Variants in FAM83B observed in about 807,000 individuals in gnomAD.
FAM83B encodes the protein scaffolding CK1 anchoring protein B, also known as protein FAM83B.
Under a neutral mutation model 38.8 loss-of-function variants are expected in FAM83B, and 26 were observed. The ratio of observed to expected loss-of-function variants is 0.67; its 90% CI spans 0.49 to 0.93. FAM83B has a LOEUF of 0.93. Ranked by LOEUF, FAM83B falls within the 40% of genes least tolerant of loss-of-function variation. The pLI is 0.00. For missense variants in FAM83B, 1,237 were observed against 1,197.3 expected (o/e 1.03, Z -0.49); for synonymous variants, 419 against 423.1 (o/e 0.99, Z 0.12).
At position 54,884,847 on chromosome 6, in the gene FAM83B, A is replaced by T. The variant is rs371151417; in HGVS notation, c.444+14157A>T. ...GAGTGCAGTGGTGAGATCTGGGCTC[A>T]CTGCAAGCTCCGCCTCCCGGGTTCA... On this transcript the variant is annotated intron_variant, in intron 2 of 4. Coordinates refer to ENST00000306858, the MANE Select transcript of FAM83B (RefSeq NM_001010872.3). Among the ~76,000 whole-genome samples, 7 of 149,728 alleles carry T rather than the reference A, an allele frequency of 4.7e-5. No homozygotes were observed. In the East Asian group the frequency reaches 1.2e-3, roughly 25 times the overall value.
intron 2 of FAM83B, among the ~76,000 whole-genome samples, chr6:54,893,519 G>T (rs1772451678): frequency 6.6e-6 from 1 of 151,872 alleles, no homozygotes; most frequent in African/African-American, 2.4e-5. Flanking sequence ...AAATTTCTAG[G>T]TATAAATGTT....
intron 1 of FAM83B, among the ~76,000 whole-genome samples, chr6:54,864,988 T>C: frequency 6.6e-6 from 1 of 152,232 alleles, no homozygotes; most frequent in East Asian, 1.9e-4. Flanking sequence ...TTTAACTATA[T>C]CATTTAAGCT....
chr6:54,908,846 A>G (rs1772838880), intron 2 of FAM83B, among the ~76,000 whole-genome samples: 1 of 152,182 alleles, frequency 6.6e-6, no homozygotes, highest in African/African-American at 2.4e-5. Context: ...GGAACCCCTC[A>G]GGTATACCCA....
chr6:54,944,949 C>T lies in FAM83B; in HGVS notation c.*2942C>T, dbSNP rs1462391245. The T allele has an allele frequency of 6.6e-6, 1 of 152,124 alleles. No individual in the cohort carries two copies. The highest frequency in any genetic ancestry group is 1.5e-5 in the Non-Finnish European group (1 of 68,022). 9.4% of individuals were successfully genotyped at this position (152,124 alleles called of 1,614,324 possible). ...TCACTAGTATGCCCAGTCTGGACTC[C>T]AAGTCCTGGGCTCAAACGATCCTCC... On this transcript the variant is annotated 3_prime_UTR_variant, in exon 5 of 5. Coordinates refer to ENST00000306858, the MANE Select transcript of FAM83B (RefSeq NM_001010872.3).
At position 54,940,286 on chromosome 6, in the gene FAM83B, A is replaced by G; in HGVS notation, c.1315A>G (p.Thr439Ala). Residue 439 changes from threonine (T) to alanine (A), a missense_variant, in exon 5 of 5, where the codon ACA (threonine) becomes GCA (alanine). By Grantham distance (58) the Thr-to-Ala change is moderately conservative (BLOSUM62 0). Coordinates refer to ENST00000306858, the MANE Select transcript of FAM83B (RefSeq NM_001010872.3). ...SREGYVSHHN[T>A]PAQSFANRLA... ...GGAAGGCTATGTAAGCCACCACAAC[A>G]CACCTGCCCAGAGTTTTGCCAATCG... 1.2e-6 allele frequency: 2 copies of G among 1,614,074 alleles called. No individual in the cohort carries two copies. Among genetic ancestry groups the G allele is most frequent in the Non-Finnish European group, 1.7e-6 (2 of 1,180,004 alleles).
chr6:54,853,220 A>G (rs1771353367), intron 1 of FAM83B, among the ~76,000 whole-genome samples: 1 of 152,234 alleles, frequency 6.6e-6, no homozygotes, highest in South Asian at 2.1e-4. Context: ...CAAAATGTAA[A>G]TGTGCAAAGT....
At chr6:54,858,086 G>A (rs1020629882) in intron 1 of FAM83B, among the ~76,000 whole-genome samples, 2 of 152,172 alleles carry the variant, frequency 1.3e-5, no homozygotes, top group Non-Finnish European at 2.9e-5. Flanking sequence ...ATTCATGGAT[G>A]TAAGACTGGA....
chr6:54,904,771 A>G (rs760942781), intron 2 of FAM83B, among the ~76,000 whole-genome samples: 10 of 152,210 alleles, frequency 6.6e-5, no homozygotes, highest in Admixed American at 1.3e-4. Context: ...TCGGGAACTG[A>G]ATGCAAGCCA....
intron 1 of FAM83B, among the ~76,000 whole-genome samples, chr6:54,852,178 C>T (rs1275068275): frequency 2.0e-5 from 3 of 152,154 alleles, no homozygotes; most frequent in Non-Finnish European, 4.4e-5. Flanking sequence ...AAGCATATCT[C>T]GTTTTATTGT....
intron 4 of FAM83B, among the ~76,000 whole-genome samples, chr6:54,929,181 A>T (rs937538201): frequency 6.6e-6 from 1 of 152,120 alleles, no homozygotes; most frequent in African/African-American, 2.4e-5. Context: ...ATTATCATGG[A>T]CCTTTCCTGT....
At chr6:54,914,332 C>T (rs1289304931) in intron 2 of FAM83B, among the ~76,000 whole-genome samples, 3 of 152,164 alleles carry the variant, frequency 2.0e-5, no homozygotes, top group South Asian at 2.1e-4. Flanking sequence ...AGTTTCATGA[C>T]ATAATAAAAA....
chr6:54,884,299 T>TAAAAAAAAAAAAAA (rs70983475), intron 2 of FAM83B, among the ~76,000 whole-genome samples: 2 of 82,266 alleles, frequency 2.4e-5, no homozygotes, highest in Non-Finnish European at 4.3e-5. Context: ...AGACCCCGTC[T>TAAAAAAAAAAAAAA]AAAAAAAAAA....
intron 2 of FAM83B, among the ~76,000 whole-genome samples, chr6:54,907,104 A>C (rs1772791716): frequency 6.6e-6 from 1 of 152,188 alleles, no homozygotes; most frequent in Non-Finnish European, 1.5e-5. Context: ...CTATGCATCC[A>C]TTATCAGCCT....
In FAM83B at chr6:54,870,369, A is replaced by C. The variant is rs749602760; in HGVS notation, c.123A>C (p.Glu41Asp). ...ATATTCTGATTGAACACGGGTTAGA[A>C]GCATACCAAGAATTTCTTGTCCAGG... ...AIDILIEHGL[E>D]AYQEFLVQER... Residue 41 changes from glutamate to aspartate, a missense_variant, in exon 2 of 5, where the codon GAA (glutamate) becomes GAC (aspartate). By Grantham distance (45) the Glu-to-Asp change is conservative. Coordinates refer to ENST00000306858, the MANE Select transcript of FAM83B (RefSeq NM_001010872.3). The C allele has an allele frequency of 6.2e-7, 1 of 1,614,058 alleles. No homozygotes were observed. Among genetic ancestry groups the C allele is most frequent in the South Asian group, 1.1e-5 (1 of 91,086 alleles).
intron 2 of FAM83B, among the ~76,000 whole-genome samples, chr6:54,913,120 C>G (rs1772951399): frequency 6.6e-6 from 1 of 151,976 alleles, no homozygotes; most frequent in Non-Finnish European, 1.5e-5. Flanking sequence ...ACAATTACCA[C>G]CCAAGTAAAG....
intron 2 of FAM83B, among the ~76,000 whole-genome samples, chr6:54,885,508 GT>G (rs1772253882): frequency 6.6e-6 from 1 of 151,902 alleles, no homozygotes; most frequent in South Asian, 2.1e-4. Context: ...AATTCCAATA[GT>G]TTTTATATAG....
chr6:54,893,157 T>A (rs1307500371), intron 2 of FAM83B, among the ~76,000 whole-genome samples: 1 of 152,100 alleles, frequency 6.6e-6, no homozygotes, highest in African/African-American at 2.4e-5. Flanking sequence ...TCCTCTCAGG[T>A]TCCTCACCCA....
chr6:54,880,974 G>A (rs762147298), intron 2 of FAM83B, among the ~76,000 whole-genome samples: 1 of 152,100 alleles, frequency 6.6e-6, no homozygotes, highest in South Asian at 2.1e-4. Context: ...ATTCAGATGT[G>A]TTATATTTGA....
intron 1 of FAM83B, among the ~76,000 whole-genome samples, chr6:54,861,686 C>T (rs1307395668): frequency 6.6e-6 from 1 of 152,062 alleles, no homozygotes; most frequent in African/African-American, 2.4e-5. Context: ...GTAAAATGGC[C>T]CCAAATCTAG....
Sources: allele counts gnomAD v4.1 joint callset (sites outside exome capture counted in the v4.1 genomes callset), GRCh38; gene constraint gnomAD v4.1.1; transcripts MANE v1.5; gene names NCBI Gene and HGNC (gene_info 2026-07-23, HGNC 2026-07-21).